COL18A1: variants seen among roughly 807,000 people sequenced by gnomAD.
COL18A1 encodes collagen type XVIII alpha 1 chain.
In COL18A1, 133 loss-of-function variants were observed where a neutral mutation model predicts 168.0. That is an observed-to-expected ratio of 0.79 (90% CI 0.69 to 0.91). The LOEUF (loss-of-function observed/expected upper bound fraction) is 0.91. COL18A1 is among the 40% of genes least tolerant of loss of function. The pLI, the probability that COL18A1 is intolerant of heterozygous loss-of-function variation, is 0.00. For missense variants in COL18A1, 2,126 were observed against 1,925.4 expected, an observed-to-expected ratio of 1.10 and a Z score of -1.95; for synonymous variants, 949 against 809.0, an observed-to-expected ratio of 1.17 and a Z score of -2.94.
intron 38 of COL18A1, among the ~76,000 whole-genome samples, chr21:45,508,205 AGTGTATGAATGGGTGG>A (rs1480678031): frequency 7.3e-6 from 1 of 137,314 alleles, no homozygotes; most frequent in African/African-American, 2.9e-5. Context: ...CAGGTGGGTG[AGTGTATGAATGGGTGG>A]GTGGATAGTG....
Position 45,430,370 on chromosome 21 carries a change from G to A in COL18A1, c.106+24897G>A, listed in dbSNP as rs377269676. Among the ~76,000 whole-genome samples, 543 of 152,338 alleles carry A rather than the reference G, an allele frequency of 3.6e-3. 5 individuals carry two copies. Among genetic ancestry groups the A allele is most frequent in the African/African-American group, 0.012 (500 of 41,580 alleles). Reference sequence around the variant, plus strand: ...CTCCCCGGTGCCTCTCACCCTGAATGCTCTGGGAGGACACAGCCTTTTCAT... The same window carrying A: ...CTCCCCGGTGCCTCTCACCCTGAATACTCTGGGAGGACACAGCCTTTTCAT... On this transcript the variant is annotated intron_variant, in intron 2 of 41. Coordinates refer to ENST00000651438, the MANE Select transcript of COL18A1 (RefSeq NM_001379500.1).
intron 26 of COL18A1, chr21:45,494,049 G>T: frequency 3.9e-6 from 1 of 258,278 alleles, no homozygotes; most frequent in Admixed American, 5.0e-5. Flanking sequence ...CCTCGGGGAG[G>T]GTCCTGGGGA....
intron 15 of COL18A1, among the ~76,000 whole-genome samples, chr21:45,484,510 C>T (rs896554623): frequency 3.3e-5 from 5 of 152,240 alleles, no homozygotes; most frequent in Non-Finnish European, 5.9e-5. Flanking sequence ...ATGCACCTCT[C>T]CAGCATATGT....
At chr21:45,437,985 CAG>C (rs1200424382) in intron 2 of COL18A1, among the ~76,000 whole-genome samples, 1 of 67,930 alleles carries the variant, frequency 1.5e-5, no homozygotes. Flanking sequence ...CTCACACACT[CAG>C]ACACACAGGC....
At chr21:45,440,060 C>A (rs749628994) in intron 2 of COL18A1, among the ~76,000 whole-genome samples, 13 of 152,202 alleles carry the variant, frequency 8.5e-5, no homozygotes, top group Non-Finnish European at 1.6e-4. Flanking sequence ...GCCGCATGGG[C>A]GGAGGGGCCG....
At chr21:45,504,768 C>T (rs530826969) in intron 34 of COL18A1, among the ~76,000 whole-genome samples, 238 of 152,254 alleles carry the variant, frequency 1.6e-3, no homozygotes, top group African/African-American at 3.6e-3. Context: ...CCCCCTGCAG[C>T]GTTCCATGGC....
intron 2 of COL18A1, among the ~76,000 whole-genome samples, chr21:45,453,347 G>A (rs1002521451): frequency 2.0e-5 from 3 of 152,252 alleles, no homozygotes; most frequent in African/African-American, 7.2e-5. Context: ...AAGCATGCAT[G>A]TGCATGTGTT....
rs1216479333 is a variant in COL18A1 at position 45,480,983 on chromosome 21, C to T, written c.1611+125C>T. ...AGTCCCCGCCTCCTCACCTCATCTC[C>T]TCTAGGAGCTGGCGGGCAGTTGCTG... is the stretch of plus-strand genomic sequence containing the variant. On this transcript the variant is annotated intron_variant, in intron 13 of 41. Transcript: ENST00000651438. 2.2e-6 allele frequency: 3 copies of T among 1,384,966 alleles called. No homozygotes were observed. The Admixed American group carries it at 6.0e-5, about 28-fold the overall frequency. 85.8% of individuals were successfully genotyped at this position (1,384,966 alleles called of 1,614,324 possible).
intron 14 of COL18A1, chr21:45,482,320 A>C: frequency 1.5e-6 from 1 of 684,644 alleles, no homozygotes; most frequent in South Asian, 1.4e-5. Flanking sequence ...GGCAGTGGCC[A>C]TGAGCCTCTG....
At chr21:45,406,135 C>T (rs575819793) in intron 2 of COL18A1, among the ~76,000 whole-genome samples, 4 of 152,356 alleles carry the variant, frequency 2.6e-5, no homozygotes, top group Admixed American at 2.6e-4. Context: ...CTGCCTCCAA[C>T]CCCGGGACCC....
chr21:45,493,651 C>T (rs564556114), intron 26 of COL18A1, 76 bp downstream of exon 26: 2 of 1,119,118 alleles, frequency 1.8e-6, no homozygotes, highest in Admixed American at 2.0e-5. Flanking sequence ...GAGGGTCTTC[C>T]TGAGGGTCTG....
chr21:45,510,349 G>T, intron 40 of COL18A1, 88 bp downstream of exon 40: 1 of 1,380,834 alleles, frequency 7.2e-7, no homozygotes, highest in Non-Finnish European at 1.0e-6. Flanking sequence ...CCCCTCTAGG[G>T]CCTCTGGAGG....
In COL18A1 at chr21:45,492,196, C is replaced by T. The variant is rs62216332; in HGVS notation, c.2158-339C>T. Among the ~76,000 whole-genome samples, 1,501 of 152,276 alleles carry T rather than the reference C, an allele frequency of 9.9e-3. 11 individuals are homozygous for T. The highest frequency in any genetic ancestry group is 0.013 in the Non-Finnish European group (913 of 68,020). ...GCAGCCCGAGAGGCCACAGGGACCT[C>T]GGCGTGACGGTCAAGACATCAGAAC... On this transcript the variant is annotated intron_variant, in intron 22 of 41. Transcript: ENST00000651438.
Position 45,475,062 on chromosome 21 carries a change from G to A in COL18A1, c.739-414G>A, listed in dbSNP as rs139075576. ...TGTTTCTCCTCCGGGTTTTCCTGAA[G>A]TTTAAAACATCCAGCCGCCTTGGCG... On this transcript the variant is annotated intron_variant, in intron 4 of 41. Coordinates refer to ENST00000651438, the MANE Select transcript of COL18A1 (RefSeq NM_001379500.1). 1.8e-3 allele frequency among the ~76,000 whole-genome samples: 277 copies of A among 152,318 alleles called. 2 individuals are homozygous for A. The highest frequency in any genetic ancestry group is 6.2e-3 in the African/African-American group (258 of 41,578).
At chr21:45,500,550 G>C in intron 32 of COL18A1, among the ~76,000 whole-genome samples, 1 of 57,270 alleles carries the variant, frequency 1.7e-5, no homozygotes, top group Non-Finnish European at 3.3e-5. Context: ...GGTTTGGTGT[G>C]TGTTGGGTGT....
In COL18A1 at chr21:45,505,379, CGGGCCCCCCT is replaced by C. The variant is rs768949300; in HGVS notation, c.3044_3053del (p.Pro1015LeufsTer13). The stretch of plus-strand genomic sequence containing the variant: ...GCAGCTATCAGCGTTCCCGGCCCTC[CGGGCCCCCCT>C]GGGCCCCCTGGGCCCCCTGGAACCA... On this transcript the variant is annotated frameshift_variant, in exon 36 of 42. Coordinates refer to ENST00000651438, the MANE Select transcript of COL18A1 (RefSeq NM_001379500.1). LOFTEE classifies it high-confidence loss of function. The C allele has an allele frequency of 9.4e-6, 15 of 1,594,328 alleles. No homozygotes were observed. Among genetic ancestry groups the C allele is most frequent in the Admixed American group, 1.7e-5 (1 of 59,746 alleles).
chr21:45,476,499 G>A lies in COL18A1; in HGVS notation c.928+19G>A. ...TTAGGAGGTAAGCTCTTTTCTGGAT[G>A]TGGTGTGTGTGTGGTGTGGGGTGTG... On this transcript the variant is annotated intron_variant, in intron 6 of 41. Coordinates refer to ENST00000651438, the MANE Select transcript of COL18A1 (RefSeq NM_001379500.1). The A allele has an allele frequency of 6.3e-7, 1 of 1,582,108 alleles. No homozygotes were observed.
chr21:45,501,142 A>G, intron 32 of COL18A1, among the ~76,000 whole-genome samples: 1 of 151,656 alleles, frequency 6.6e-6, no homozygotes, highest in African/African-American at 2.4e-5. Flanking sequence ...TATATCCTGG[A>G]GTAAGAAACA....
At chr21:45,452,349 T>G (rs2034639976) in intron 2 of COL18A1, among the ~76,000 whole-genome samples, 1 of 149,006 alleles carries the variant, frequency 6.7e-6, no homozygotes, top group Non-Finnish European at 1.5e-5. Flanking sequence ...GCATATGCAC[T>G]CTGTGACATG....
Sources: gnomAD v4.1 joint callset for allele counts (sites outside exome capture counted in the v4.1 genomes callset) on GRCh38, gnomAD v4.1.1 for gene constraint, MANE v1.5 for transcripts, NCBI Gene and HGNC (gene_info 2026-07-23, HGNC 2026-07-21) for gene names.